The following CSMD1 variants were observed in gnomAD, a reference collection of about 807,000 sequenced individuals.
The protein encoded by CSMD1 is CUB and Sushi multiple domains 1.
CSMD1 carries 213 observed loss-of-function variants against 417.5 expected under a neutral mutation model. The ratio of observed to expected loss-of-function variants is 0.51; its 90% CI spans 0.46 to 0.57. The LOEUF (loss-of-function observed/expected upper bound fraction) is 0.57. Among genes scored for constraint, CSMD1 ranks in the 20% least tolerant of loss-of-function variants. The pLI is 0.00. For synonymous variants in CSMD1, 2,862 were observed against 1,736.8 expected, an observed-to-expected ratio of 1.65 and a Z score of -16.11; for missense variants, 6,923 against 4,529.7, an observed-to-expected ratio of 1.53 and a Z score of -15.17.
In CSMD1 at chr8:2,999,962, A is replaced by G; in HGVS notation, c.8199T>C (p.Cys2733=). The G allele has an allele frequency of 1.2e-6, 2 of 1,608,246 alleles. No individual in the cohort carries two copies. Among genetic ancestry groups the G allele is most frequent in the East Asian group, 2.2e-5 (1 of 44,660 alleles). The change falls in exon 53 of 70, where the codon TGT becomes TGC. Residue 2733 remains cysteine (C), a synonymous_variant. Transcript: ENST00000635120. ...GTCCACAAAGAGTGCACTTACGGAC[A>G]CAGACAGGCGTTTGTCCAGACCACT... ...DHKWSGQTPV[C]VPITCGHPGN...
At position 3,205,484 on chromosome 8, in the gene CSMD1, A is replaced by G; in HGVS notation, c.4984+20T>C. 1 of 1,192,724 alleles carries G rather than the reference A, an allele frequency of 8.4e-7. No homozygotes were observed. The highest frequency in any genetic ancestry group is 2.4e-5 in the East Asian group (1 of 41,182). 73.9% of individuals were successfully genotyped at this position (1,192,724 alleles called of 1,614,324 possible). A position where few individuals can be genotyped will look rare whatever the true frequency, so the allele number is the denominator to read the frequency against. ...GAAAGGAAATATGACAATGAATTAA[A>G]AATACAAGGACATCCTTACCGAATT... On this transcript the variant is annotated intron_variant, in intron 31 of 69. Transcript: ENST00000635120.
intron 57 of CSMD1, among the ~76,000 whole-genome samples, chr8:2,968,276 A>C (rs1804145006): frequency 6.6e-6 from 1 of 152,252 alleles, no homozygotes. Context: ...TGTCACAGAA[A>C]GGGAGTGAGT....
At chr8:3,117,850 G>A (rs979681060) in intron 42 of CSMD1, among the ~76,000 whole-genome samples, 2 of 152,054 alleles carry the variant, frequency 1.3e-5, no homozygotes, top group African/African-American at 2.4e-5. Flanking sequence ...TGTACACTGC[G>A]CTCTTTCTTA....
chr8:3,024,303 GGA>G lies in CSMD1; in HGVS notation c.7855+5014_7855+5015del, dbSNP rs1194970838. ...ACATTTTGAGGTTTTTTTTGGGGGG[GGA>G]GGGCAGTGGGGGAGGTTGGGGACAG... is the stretch of plus-strand genomic sequence containing the variant. On this transcript the variant is annotated intron_variant, in intron 51 of 69. Transcript: ENST00000635120. 1.2e-3 allele frequency among the ~76,000 whole-genome samples: 180 copies of G among 148,792 alleles called. 2 individuals are homozygous for G. The highest frequency in any genetic ancestry group is 9.4e-4 in the African/African-American group (38 of 40,364).
intron 3 of CSMD1, among the ~76,000 whole-genome samples, chr8:4,153,797 G>C (rs924177592): frequency 6.6e-6 from 1 of 152,204 alleles, no homozygotes; most frequent in African/African-American, 2.4e-5. Context: ...CAGTTTTTAT[G>C]TATTTGTGTC....
At chr8:4,346,724 T>C (rs1036977161) in intron 3 of CSMD1, among the ~76,000 whole-genome samples, 3 of 152,194 alleles carry the variant, frequency 2.0e-5, no homozygotes, top group Admixed American at 6.5e-5. Context: ...TTTATAATTA[T>C]ATTTTAGATA....
At chr8:3,810,240 A>G (rs964735606) in intron 5 of CSMD1, among the ~76,000 whole-genome samples, 1 of 152,126 alleles carries the variant, frequency 6.6e-6, no homozygotes. Context: ...GTTTTCATAG[A>G]GATTTCAAAA....
intron 1 of CSMD1, among the ~76,000 whole-genome samples, chr8:4,842,091 T>C (rs1800878210): frequency 6.6e-6 from 1 of 152,140 alleles, no homozygotes; most frequent in Non-Finnish European, 1.5e-5. Context: ...ATGTGTACCA[T>C]TCTGTATGAG....
chr8:3,804,343 A>T (rs1286438965), intron 5 of CSMD1, among the ~76,000 whole-genome samples: 3 of 152,198 alleles, frequency 2.0e-5, no homozygotes, highest in African/African-American at 7.2e-5. Flanking sequence ...TGCGTCTTAA[A>T]AGAAGCAGTA....
chr8:3,091,563 G>A lies in CSMD1; in HGVS notation c.7238C>T (p.Ser2413Phe), dbSNP rs761563231. 1 of 1,610,348 alleles carries A rather than the reference G, an allele frequency of 6.2e-7. No individual in the cohort carries two copies. Among genetic ancestry groups the A allele is most frequent in the Admixed American group, 1.7e-5 (1 of 58,620 alleles). The change falls in exon 48 of 70, where the codon TCC becomes TTC. Residue 2413 changes from serine (S) to phenylalanine (F), a missense_variant. Physicochemically the swap from Ser to Phe is radical, Grantham distance 155. Transcript: ENST00000635120. ...TTTCTTACTGGTGGCATGGTCAGTG[G>A]ACCAGCGGAGATATAACTGATTACT... ...SRSNQLYLRWSTDHATSKKGF... is the reference protein window; with the variant it reads ...SRSNQLYLRWFTDHATSKKGF...
intron 2 of CSMD1, among the ~76,000 whole-genome samples, chr8:4,607,494 G>C (rs147979245): frequency 2.0e-5 from 3 of 152,236 alleles, no homozygotes; most frequent in African/African-American, 4.8e-5. Context: ...CCCAGGGTGT[G>C]TGCCAAGCTG....
chr8:3,226,503 A>C (rs1312150128), intron 27 of CSMD1, among the ~76,000 whole-genome samples: 4 of 151,096 alleles, frequency 2.6e-5, no homozygotes, highest in African/African-American at 4.9e-5. Context: ...GAATCGCTTG[A>C]ACCTGGGAGC....
intron 10 of CSMD1, among the ~76,000 whole-genome samples, chr8:3,532,514 G>C (rs1300263199): frequency 6.6e-6 from 1 of 152,064 alleles, no homozygotes; most frequent in Non-Finnish European, 1.5e-5. Context: ...CTTCCCCTCA[G>C]ATGATCAGGA....
At chr8:4,607,228 A>C (rs1214057556) in intron 2 of CSMD1, among the ~76,000 whole-genome samples, 1 of 152,174 alleles carries the variant, frequency 6.6e-6, no homozygotes, top group African/African-American at 2.4e-5. Context: ...TGGGCAAATA[A>C]ACAGGTAATT....
At chr8:4,827,103 T>G (rs1474414843) in intron 1 of CSMD1, among the ~76,000 whole-genome samples, 1 of 152,132 alleles carries the variant, frequency 6.6e-6, no homozygotes, top group South Asian at 2.1e-4. Flanking sequence ...GCCCTTGTCC[T>G]CAGGTGTGAA....
chr8:3,926,028 CACACACACACACACAAACACCATAT>C (rs1192292742), intron 5 of CSMD1, among the ~76,000 whole-genome samples: 1,848 of 136,918 alleles, frequency 0.013, 102 homozygotes, highest in African/African-American at 0.043. Context: ...CACACACACA[CACACACACACACACAAACACCATAT>C]ACACACACAC....
intron 30 of CSMD1, among the ~76,000 whole-genome samples, chr8:3,213,180 G>A (rs1456957740): frequency 6.6e-6 from 1 of 152,118 alleles, no homozygotes; most frequent in East Asian, 1.9e-4. Flanking sequence ...CAGTAGCATT[G>A]TTAGGCTGTC....
chr8:3,691,807 G>A (rs942126944), intron 7 of CSMD1, among the ~76,000 whole-genome samples: 1 of 152,134 alleles, frequency 6.6e-6, no homozygotes, highest in East Asian at 1.9e-4. Flanking sequence ...AAAAGAGGCA[G>A]TTTCAGTGAT....
intron 42 of CSMD1, among the ~76,000 whole-genome samples, chr8:3,114,983 CAA>C (rs1477141904): frequency 6.6e-6 from 1 of 152,050 alleles, no homozygotes; most frequent in East Asian, 1.9e-4. Context: ...GCATTTAAGT[CAA>C]GTTTATTATG....
Sources: allele counts gnomAD v4.1 joint callset (sites outside exome capture counted in the v4.1 genomes callset), GRCh38; gene constraint gnomAD v4.1.1; transcripts MANE v1.5; gene names NCBI Gene and HGNC (gene_info 2026-07-23, HGNC 2026-07-21).